The following SOX6 variants were observed in gnomAD, a reference collection of about 807,000 sequenced individuals.
SOX6 encodes the protein SRY-box transcription factor 6.
SOX6 carries 11 observed loss-of-function variants against 97.8 expected under a neutral mutation model. That is an observed-to-expected ratio of 0.11 (90% confidence interval 0.07 to 0.19). SOX6 has a LOEUF of 0.19. Ranked by LOEUF, SOX6 falls within the 10% of genes least tolerant of loss-of-function variation. The pLI is 1.00. For synonymous variants in SOX6, 360 were observed against 371.4 expected (o/e 0.97, Z 0.35); for missense variants, 810 against 1,039.5 (o/e 0.78, Z 3.04).
intron 10 of SOX6, among the ~76,000 whole-genome samples, chr11:16,052,985 C>T (rs1847722375): frequency 4.6e-5 from 7 of 152,110 alleles, no homozygotes; most frequent in Admixed American, 4.6e-4. Flanking sequence ...ATGTGCTGAT[C>T]AGTACTCAGC....
At chr11:16,246,248 G>A (rs1041579493) in intron 3 of SOX6, among the ~76,000 whole-genome samples, 2 of 151,256 alleles carry the variant, frequency 1.3e-5, no homozygotes, top group African/African-American at 4.8e-5. Flanking sequence ...ATTATACATG[G>A]TTATTGTTTA....
At chr11:16,202,965 C>A (rs1405583777) in intron 4 of SOX6, among the ~76,000 whole-genome samples, 1 of 152,020 alleles carries the variant, frequency 6.6e-6, no homozygotes, top group Admixed American at 6.6e-5. Flanking sequence ...TTCTGCCATT[C>A]GTGGATGTTT....
At chr11:16,449,414 T>A (rs1859677547) in intron 1 of SOX6, among the ~76,000 whole-genome samples, 1 of 151,084 alleles carries the variant, frequency 6.6e-6, no homozygotes, top group Admixed American at 6.6e-5. Context: ...TGCCTCCGCC[T>A]CCTGAGTAGC....
chr11:16,421,185 T>C (rs142213086), intron 1 of SOX6, among the ~76,000 whole-genome samples: 1 of 152,128 alleles, frequency 6.6e-6, no homozygotes, highest in African/African-American at 2.4e-5. Context: ...TACACCAAAA[T>C]ACACCAAAAT....
At chr11:16,498,615 T>C (rs1327617749) in intron 4 of SOX6, among the ~76,000 whole-genome samples, 1 of 151,990 alleles carries the variant, frequency 6.6e-6, no homozygotes. Context: ...TGGAGGAAGA[T>C]CTACCAAACA....
chr11:16,174,236 A>C (rs1321958076), intron 6 of SOX6, among the ~76,000 whole-genome samples: 1 of 151,794 alleles, frequency 6.6e-6, no homozygotes. Context: ...TTAAGAGAAA[A>C]ATTTTCCACT....
At chr11:16,655,273 T>G (rs1847706563) in intron 3 of SOX6, among the ~76,000 whole-genome samples, 1 of 152,140 alleles carries the variant, frequency 6.6e-6, no homozygotes, top group Non-Finnish European at 1.5e-5. Flanking sequence ...ACAAGAGAAC[T>G]AAGTGCCCAT....
intron 1 of SOX6, among the ~76,000 whole-genome samples, chr11:16,737,403 C>T (rs889510803): frequency 5.3e-5 from 8 of 151,952 alleles, no homozygotes; most frequent in African/African-American, 1.9e-4. Context: ...GACGTGGTTT[C>T]ACCATGTTGA....
intron 3 of SOX6, among the ~76,000 whole-genome samples, chr11:16,625,399 G>A (rs1306472828): frequency 6.6e-6 from 1 of 152,118 alleles, no homozygotes; most frequent in Non-Finnish European, 1.5e-5. Flanking sequence ...TCCTGATACA[G>A]GGCTCCTAAA....
chr11:16,691,894 G>C (rs555619515), intron 3 of SOX6, among the ~76,000 whole-genome samples: 1 of 152,100 alleles, frequency 6.6e-6, no homozygotes, highest in Non-Finnish European at 1.5e-5. Context: ...CTATGTATTT[G>C]TAAACCAGAT....
At chr11:15,975,853 C>T (rs751381131) in intron 15 of SOX6, among the ~76,000 whole-genome samples, 1 of 152,198 alleles carries the variant, frequency 6.6e-6, no homozygotes, top group South Asian at 2.1e-4. Context: ...CAATTTAAAT[C>T]GGAATCAAAA....
intron 4 of SOX6, among the ~76,000 whole-genome samples, chr11:16,199,730 T>C (rs1400861945): frequency 1.3e-5 from 2 of 152,200 alleles, no homozygotes; most frequent in African/African-American, 4.8e-5. Context: ...AAAAGAAGTC[T>C]GATGGCTCAG....
intron 7 of SOX6, among the ~76,000 whole-genome samples, chr11:16,103,217 T>G (rs566248121): frequency 6.6e-6 from 1 of 151,412 alleles, no homozygotes; most frequent in African/African-American, 2.4e-5. Context: ...GCAAAGGACA[T>G]GAATAGACAA....
At chr11:16,663,323 AT>A (rs60915793) in intron 3 of SOX6, among the ~76,000 whole-genome samples, 16 of 151,644 alleles carry the variant, frequency 1.1e-4, no homozygotes, top group Middle Eastern at 3.4e-3. Flanking sequence ...GTAAGGCTAT[AT>A]TTTTTTTTCT....
At chr11:16,460,236 G>C (rs1193516361) in intron 1 of SOX6, among the ~76,000 whole-genome samples, 1 of 151,960 alleles carries the variant, frequency 6.6e-6, no homozygotes, top group Admixed American at 6.6e-5. Context: ...AATTTTTTCA[G>C]AAATATAAAA....
intron 4 of SOX6, among the ~76,000 whole-genome samples, chr11:16,591,320 TA>T (rs1848148376): frequency 1.4e-5 from 1 of 69,478 alleles, no homozygotes; most frequent in Non-Finnish European, 3.0e-5. Flanking sequence ...GTTAGATACA[TA>T]GATAGATAGA....
In SOX6 at chr11:16,181,059, C is replaced by T. The variant is rs552738998; in HGVS notation, c.777+2827G>A. Among the ~76,000 whole-genome samples the T allele has an allele frequency of 1.3e-3, 198 of 151,522 alleles. 1 individual carries two copies. Among genetic ancestry groups the T allele is most frequent in the African/African-American group, 4.7e-3 (194 of 41,412 alleles). On this transcript the variant is annotated intron_variant, in intron 6 of 15. Coordinates refer to ENST00000683767, the MANE Select transcript of SOX6 (RefSeq NM_001367873.1). ...GTTACAAGAGGTTAGGCACTCTTCC[C>T]TTTGTTTCTATTAAAGCTTGCAAAT... is the stretch of plus-strand genomic sequence containing the variant.
chr11:16,303,332 G>A (rs140203546), intron 3 of SOX6, among the ~76,000 whole-genome samples: 111 of 152,292 alleles, frequency 7.3e-4, no homozygotes, highest in Non-Finnish European at 1.2e-3. Context: ...GATATGGTAT[G>A]TGTCCTCAAG....
chr11:16,528,916 T>C (rs926657669), intron 4 of SOX6, among the ~76,000 whole-genome samples: 10 of 152,068 alleles, frequency 6.6e-5, no homozygotes, highest in Non-Finnish European at 1.5e-4. Flanking sequence ...TACTACTATG[T>C]ATTCACTCTA....
Sources: allele counts gnomAD v4.1 joint callset (sites outside exome capture counted in the v4.1 genomes callset), GRCh38; gene constraint gnomAD v4.1.1; transcripts MANE v1.5; gene names NCBI Gene and HGNC (gene_info 2026-07-23, HGNC 2026-07-21).